Variants in GARRE1 observed in about 807,000 individuals in gnomAD.
GARRE1 encodes granule associated Rac and RHOG effector protein 1.
Under a neutral mutation model 103.2 loss-of-function variants are expected in GARRE1, and 49 were observed. The observed-to-expected ratio is 0.47, with a 90% confidence interval of 0.38 to 0.60. GARRE1 has a LOEUF of 0.60. GARRE1 is among the 20% of genes least tolerant of loss of function. GARRE1 has a pLI of 0.00. For synonymous variants in GARRE1, 505 were observed against 532.8 expected, an observed-to-expected ratio of 0.95 and a Z score of 0.72; for missense variants, 1,199 against 1,370.5, an observed-to-expected ratio of 0.87 and a Z score of 1.98.
chr19:34,352,595 A>G (rs567797385), intron 13 of GARRE1, 52 bp from the exon 14 acceptor site: 1 of 1,482,968 alleles, frequency 6.7e-7, no homozygotes, highest in South Asian at 1.2e-5. Context: ...GGAGGTGGGA[A>G]ATGATGATAC....
chr19:34,303,554 A>G (rs757795427), intron 2 of GARRE1, among the ~76,000 whole-genome samples: 17 of 152,242 alleles, frequency 1.1e-4, no homozygotes, highest in Admixed American at 6.5e-4. Context: ...AGCTTTTTCT[A>G]TGAAGGGCAG....
At position 34,278,906 on chromosome 19, in the gene GARRE1, C is replaced by T. The variant is rs937986820; in HGVS notation, c.-795-20773C>T. On this transcript the variant is annotated intron_variant, in intron 1 of 13. Transcript: ENST00000299505. ...AGGCTAGTCTCAAACTGGCCTCAAG[C>T]GATCTTCCTACCTCAGCCTCCCAAA... is the stretch of plus-strand genomic sequence containing the variant. Among the ~76,000 whole-genome samples, 4 of 152,130 alleles carry T rather than the reference C, an allele frequency of 2.6e-5. No homozygotes were observed. In the Middle Eastern group the frequency reaches 0.01, roughly 388 times the overall value.
intron 3 of GARRE1, among the ~76,000 whole-genome samples, chr19:34,327,190 A>T (rs1471430919): frequency 6.6e-6 from 1 of 151,910 alleles, no homozygotes; most frequent in African/African-American, 2.4e-5. Context: ...AAAATAATAA[A>T]ATAAAAAATA....
chr19:34,333,677 G>GTTTTTTTTTTTTTTTTTTT, intron 7 of GARRE1, 27 bp from the exon 8 acceptor site: 3 of 673,616 alleles, frequency 4.5e-6, no homozygotes, highest in African/African-American at 2.2e-5. Context: ...GTTGTTATTT[G>GTTTTTTTTTTTTTTTTTTT]TTTTTTTTTT....
At chr19:34,297,022 C>T (rs1167527017) in intron 1 of GARRE1, among the ~76,000 whole-genome samples, 1 of 152,198 alleles carries the variant, frequency 6.6e-6, no homozygotes, top group Non-Finnish European at 1.5e-5. Flanking sequence ...CATGGTGGCT[C>T]ACGCCTGTAA....
In GARRE1 at chr19:34,342,068, A is replaced by C; in HGVS notation, c.2134A>C (p.Thr712Pro). The C allele has an allele frequency of 6.2e-7, 1 of 1,614,014 alleles. No individual in the cohort carries two copies. The highest frequency in any genetic ancestry group is 8.5e-7 in the Non-Finnish European group (1 of 1,179,994). ...APQAGAHTPL[T>P]PQPGLAPQQQ... ...CCAGGCTGGGGCACACACACCTCTG[A>C]CACCCCAGCCGGGACTGGCACCTCA... is the stretch of plus-strand genomic sequence containing the variant. The change falls in exon 10 of 14, where the codon ACA becomes CCA. Residue 712 changes from threonine to proline, a missense_variant. By Grantham distance (38) the Thr-to-Pro change is conservative (BLOSUM62 -1). Coordinates refer to ENST00000299505, the MANE Select transcript of GARRE1 (RefSeq NM_014686.5).
At chr19:34,278,869 G>T (rs2073834079) in intron 1 of GARRE1, among the ~76,000 whole-genome samples, 1 of 151,922 alleles carries the variant, frequency 6.6e-6, no homozygotes, top group Admixed American at 6.6e-5. Context: ...ACAGGGTCTC[G>T]CCATGTTGCC....
chr19:34,309,296 G>T (rs1376282411), intron 2 of GARRE1, among the ~76,000 whole-genome samples: 1 of 152,154 alleles, frequency 6.6e-6, no homozygotes, highest in East Asian at 1.9e-4. Flanking sequence ...TAGATTAAAA[G>T]AGTTAAGCAA....
chr19:34,269,882 T>G (rs970394499), intron 1 of GARRE1, among the ~76,000 whole-genome samples: 1 of 152,228 alleles, frequency 6.6e-6, no homozygotes, highest in Admixed American at 6.5e-5. Flanking sequence ...ATGGAAGCCA[T>G]TTCTGTAGAA....
chr19:34,281,094 C>G (rs1258547654), intron 1 of GARRE1, among the ~76,000 whole-genome samples: 1 of 152,012 alleles, frequency 6.6e-6, no homozygotes, highest in Non-Finnish European at 1.5e-5. Flanking sequence ...ACAGTAACAC[C>G]AGAGGGGTCC....
At chr19:34,317,622 T>C (rs1599770214) in intron 2 of GARRE1, among the ~76,000 whole-genome samples, 2 of 152,346 alleles carry the variant, frequency 1.3e-5, no homozygotes, top group South Asian at 4.1e-4. Context: ...TAGAGTCTGC[T>C]GAAGGCAGTG....
At chr19:34,340,362 G>T (rs1599780490) in intron 9 of GARRE1, among the ~76,000 whole-genome samples, 1 of 152,106 alleles carries the variant, frequency 6.6e-6, no homozygotes, top group African/African-American at 2.4e-5. Flanking sequence ...TTTTCAATCA[G>T]TTCTCTCAGG....
intron 10 of GARRE1, among the ~76,000 whole-genome samples, chr19:34,345,841 T>A (rs1172280970): frequency 6.6e-6 from 1 of 152,224 alleles, no homozygotes; most frequent in Non-Finnish European, 1.5e-5. Flanking sequence ...TTATTTTTAA[T>A]AAATGAATAA....
At chr19:34,311,258 A>C (rs976215015) in intron 2 of GARRE1, among the ~76,000 whole-genome samples, 3 of 152,198 alleles carry the variant, frequency 2.0e-5, no homozygotes, top group African/African-American at 7.2e-5. Flanking sequence ...CTGTACCTGG[A>C]ATAAGGACTA....
chr19:34,348,423 A>G (rs1265233056), intron 11 of GARRE1: 2 of 171,184 alleles, frequency 1.2e-5, no homozygotes, highest in African/African-American at 2.4e-5. Flanking sequence ...ATTATAGCCT[A>G]TGAAAAGCAA....
intron 8 of GARRE1, among the ~76,000 whole-genome samples, chr19:34,338,765 G>A (rs2074172131): frequency 1.3e-5 from 2 of 152,184 alleles, no homozygotes; most frequent in African/African-American, 4.8e-5. Context: ...TGAGGGCTGT[G>A]GTGAGGGTTT....
intron 1 of GARRE1, among the ~76,000 whole-genome samples, chr19:34,281,321 C>CT (rs2073851571): frequency 6.6e-6 from 1 of 152,166 alleles, no homozygotes; most frequent in Non-Finnish European, 1.5e-5. Flanking sequence ...GATGGAGTCT[C>CT]ACTCTGTCAC....
intron 1 of GARRE1, among the ~76,000 whole-genome samples, chr19:34,286,662 G>A (rs1324565281): frequency 1.4e-5 from 2 of 147,780 alleles, no homozygotes; most frequent in African/African-American, 5.0e-5. Flanking sequence ...CTACCACGCC[G>A]GGCTAATGTT....
intron 1 of GARRE1, among the ~76,000 whole-genome samples, chr19:34,290,940 T>C: frequency 8.6e-6 from 1 of 116,490 alleles, no homozygotes; most frequent in African/African-American, 3.3e-5. Flanking sequence ...AGAGTCTCAC[T>C]CTGTCACCCA....
Sources: allele counts gnomAD v4.1 joint callset (sites outside exome capture counted in the v4.1 genomes callset), GRCh38; gene constraint gnomAD v4.1.1; transcripts MANE v1.5; gene names NCBI Gene and HGNC (gene_info 2026-07-23, HGNC 2026-07-21).